The following SNX6 variants were observed in gnomAD, a reference collection of about 807,000 sequenced individuals.
SNX6 encodes the protein sorting nexin 6.
Under a neutral mutation model 63.0 loss-of-function variants are expected in SNX6, and 34 were observed. That is an observed-to-expected ratio of 0.54 (90% CI 0.41 to 0.72). The LOEUF (loss-of-function observed/expected upper bound fraction) is 0.72. SNX6 is among the 30% of genes least tolerant of loss of function. The pLI is 0.00. For synonymous variants in SNX6, 170 were observed against 164.2 expected (o/e 1.04, Z -0.27); for missense variants, 398 against 471.4 (o/e 0.84, Z 1.44).
At chr14:34,624,810 T>A (rs59792123) in intron 2 of SNX6, among the ~76,000 whole-genome samples, 2,998 of 151,516 alleles carry the variant, frequency 0.02, 87 homozygotes, top group African/African-American at 0.065. Flanking sequence ...AAAAAAAAAA[T>A]TTTTTTTGCT....
intron 9 of SNX6, among the ~76,000 whole-genome samples, chr14:34,584,138 T>C (rs1310594711): frequency 1.3e-5 from 2 of 152,106 alleles, no homozygotes; most frequent in Non-Finnish European, 2.9e-5. Flanking sequence ...TGAGCCACTG[T>C]GCCCGGCTGG....
At chr14:34,592,903 A>G (rs1322216937) in intron 8 of SNX6, 142 bp downstream of exon 8, 1 of 614,520 alleles carries the variant, frequency 1.6e-6, no homozygotes, top group Non-Finnish European at 2.8e-6. Flanking sequence ...TCACAGGCTC[A>G]CTATAAAAGG....
rs192709059 is a variant in SNX6, at chr14:34,569,286, G to T, written c.922-1273C>A. Among the ~76,000 whole-genome samples the T allele has an allele frequency of 1.5e-3, 227 of 152,136 alleles. 3 individuals carry two copies. The highest frequency in any genetic ancestry group is 5.2e-3 in the African/African-American group (216 of 41,514). On this transcript the variant is annotated intron_variant, in intron 11 of 13. Transcript: ENST00000362031. ...CACAGAACTGAGGATCACCATAATC[G>T]ATTTTAGAACACTTTCATCACCCAA...
At chr14:34,575,552 A>C in intron 11 of SNX6, 1 of 248,280 alleles carries the variant, frequency 4.0e-6, no homozygotes, top group East Asian at 9.2e-5. Flanking sequence ...AATAAAGAGG[A>C]AACTTTTATG....
chr14:34,626,020 A>C (rs955368015), intron 2 of SNX6, among the ~76,000 whole-genome samples: 22 of 152,304 alleles, frequency 1.4e-4, no homozygotes, highest in African/African-American at 5.3e-4. Flanking sequence ...ACCTCAGACT[A>C]CTAACTTAGT....
rs1412477015 is a variant in SNX6, at chr14:34,608,052, T to C, written c.248A>G (p.Asn83Ser). Residue 83 changes from asparagine to serine, a missense_variant, in exon 4 of 14, where the codon AAT (asparagine) becomes AGT (serine). Asn to Ser is a conservative substitution (Grantham distance 46). Coordinates refer to ENST00000362031, the MANE Select transcript of SNX6 (RefSeq NM_152233.4). ...FIWLHDSFVENEDYAGYIIPP... is the reference protein window; with the variant it reads ...FIWLHDSFVESEDYAGYIIPP... ...TACGATATAACCTGCATAGTCTTCA[T>C]TTTCAACAAAGGAATCATGAAGCCA... 2.5e-6 allele frequency: 4 copies of C among 1,599,764 alleles called. 1 individual carries two copies. In the South Asian group the frequency reaches 4.5e-5, roughly 18 times the overall value.
chr14:34,575,535 GAAGTAT>G (rs1202637020), intron 11 of SNX6: 2 of 224,962 alleles, frequency 8.9e-6, no homozygotes, highest in Non-Finnish European at 9.0e-6. Flanking sequence ...GATTATATCA[GAAGTAT>G]AATAAAGAGG....
At chr14:34,600,257 T>C (rs1882757854) in intron 6 of SNX6, among the ~76,000 whole-genome samples, 1 of 152,140 alleles carries the variant, frequency 6.6e-6, no homozygotes, top group Admixed American at 6.6e-5. Flanking sequence ...CCCAAGTAGC[T>C]GGGATTACAG....
chr14:34,574,385 A>G (rs1225683919), intron 11 of SNX6, among the ~76,000 whole-genome samples: 1 of 150,190 alleles, frequency 6.7e-6, no homozygotes, highest in East Asian at 2.0e-4. Flanking sequence ...TATGTGGCTC[A>G]TGCCTGTTAA....
At chr14:34,588,393 G>C (rs1882259460) in intron 8 of SNX6, among the ~76,000 whole-genome samples, 1 of 151,980 alleles carries the variant, frequency 6.6e-6, no homozygotes, top group Non-Finnish European at 1.5e-5. Flanking sequence ...CAAAATGCTG[G>C]GATTACAGGC....
At chr14:34,611,508 G>A (rs1883227271) in intron 2 of SNX6, among the ~76,000 whole-genome samples, 1 of 151,306 alleles carries the variant, frequency 6.6e-6, no homozygotes, top group African/African-American at 2.4e-5. Context: ...GGGAGGCCGG[G>A]TGTGGTGGCT....
At chr14:34,627,325 T>C (rs953982844) in intron 2 of SNX6, among the ~76,000 whole-genome samples, 6 of 152,024 alleles carry the variant, frequency 3.9e-5, no homozygotes, top group African/African-American at 9.7e-5. Context: ...CGGGCGCCTG[T>C]AGTCCCAGCT....
chr14:34,625,193 G>A (rs1037130858), intron 2 of SNX6, among the ~76,000 whole-genome samples: 3 of 152,078 alleles, frequency 2.0e-5, no homozygotes, highest in Non-Finnish European at 4.4e-5. Flanking sequence ...GGGATTATAG[G>A]AGTGAGCCAC....
At chr14:34,579,664 G>A (rs1881858567) in intron 10 of SNX6, among the ~76,000 whole-genome samples, 1 of 151,918 alleles carries the variant, frequency 6.6e-6, no homozygotes, top group Non-Finnish European at 1.5e-5. Flanking sequence ...TTAATCCTAT[G>A]AATATAATGT....
intron 3 of SNX6, among the ~76,000 whole-genome samples, 161 bp from the exon 4 acceptor site, chr14:34,608,301 C>T (rs921151313): frequency 2.0e-5 from 3 of 152,094 alleles, no homozygotes; most frequent in African/African-American, 2.4e-5. Flanking sequence ...CCTCAGCCTC[C>T]GAGTAGCTGG....
At chr14:34,615,417 T>C (rs1883381827) in intron 2 of SNX6, among the ~76,000 whole-genome samples, 1 of 152,216 alleles carries the variant, frequency 6.6e-6, no homozygotes, top group South Asian at 2.1e-4. Context: ...AGATAGGGTC[T>C]CCCTATGTTG....
intron 2 of SNX6, among the ~76,000 whole-genome samples, chr14:34,619,700 C>T (rs1193701089): frequency 2.0e-5 from 3 of 152,046 alleles, no homozygotes; most frequent in Non-Finnish European, 4.4e-5. Flanking sequence ...TACAATGTAA[C>T]CTCATCAACA....
At chr14:34,575,922 GT>G in intron 10 of SNX6, 80 bp from the exon 11 acceptor site, 1 of 696,608 alleles carries the variant, frequency 1.4e-6, no homozygotes, top group Non-Finnish European at 2.2e-6. Context: ...TGTTGTTGTT[GT>G]TTTTTTGTTT....
intron 11 of SNX6, among the ~76,000 whole-genome samples, chr14:34,570,348 G>T (rs1180320903): frequency 1.3e-5 from 2 of 150,966 alleles, no homozygotes; most frequent in Non-Finnish European, 2.9e-5. Context: ...TTACAGGTGT[G>T]AGCCACTGTG....
Sources: allele counts gnomAD v4.1 joint callset (sites outside exome capture counted in the v4.1 genomes callset), GRCh38; gene constraint gnomAD v4.1.1; transcripts MANE v1.5; gene names NCBI Gene and HGNC (gene_info 2026-07-23, HGNC 2026-07-21).